Variants in ANO10 observed in about 807,000 individuals in gnomAD.
ANO10 encodes anoctamin-10.
ANO10 carries 77 observed loss-of-function variants against 74.7 expected under a neutral mutation model. The ratio of observed to expected loss-of-function variants is 1.03; its 90% CI spans 0.86 to 1.25. The LOEUF (loss-of-function observed/expected upper bound fraction) is 1.25. ANO10 is among the 50% of genes most tolerant of loss of function. The pLI, the probability that ANO10 is intolerant of heterozygous loss-of-function variation, is 0.00. For missense variants in ANO10, 721 were observed against 778.1 expected, an observed-to-expected ratio of 0.93 and a Z score of 0.87; for synonymous variants, 279 against 284.9, an observed-to-expected ratio of 0.98 and a Z score of 0.21.
At chr3:43,410,776 T>C (rs1456879380) in intron 12 of ANO10, among the ~76,000 whole-genome samples, 1 of 152,018 alleles carries the variant, frequency 6.6e-6, no homozygotes, top group Non-Finnish European at 1.5e-5. Flanking sequence ...AACTGAACAC[T>C]CAGAAAATCC....
chr3:43,592,387 T>C (rs926444551), intron 4 of ANO10, among the ~76,000 whole-genome samples: 2 of 152,112 alleles, frequency 1.3e-5, no homozygotes, highest in African/African-American at 4.8e-5. Flanking sequence ...TGGGTGCCCC[T>C]CTGAGACAAA....
chr3:43,669,521 T>C (rs1030163083), intron 1 of ANO10, among the ~76,000 whole-genome samples: 1 of 152,148 alleles, frequency 6.6e-6, no homozygotes, highest in Non-Finnish European at 1.5e-5. Context: ...CTGGTCTGGT[T>C]AAGTTGTGAT....
chr3:43,647,991 C>T (rs1267299314), intron 1 of ANO10, among the ~76,000 whole-genome samples: 4 of 152,166 alleles, frequency 2.6e-5, no homozygotes, highest in African/African-American at 9.7e-5. Flanking sequence ...GTGCCCAACT[C>T]ATTGTTACAT....
chr3:43,406,710 A>G (rs1441821358), intron 12 of ANO10, among the ~76,000 whole-genome samples: 1 of 152,198 alleles, frequency 6.6e-6, no homozygotes, highest in Non-Finnish European at 1.5e-5. Flanking sequence ...AGTTAAAATT[A>G]GTTCACAACT....
At chr3:43,406,492 C>A (rs898056743) in intron 12 of ANO10, among the ~76,000 whole-genome samples, 1 of 152,112 alleles carries the variant, frequency 6.6e-6, no homozygotes. Flanking sequence ...AATTTTGAAA[C>A]AACAGTCACA....
intron 4 of ANO10, among the ~76,000 whole-genome samples, chr3:43,596,086 C>G (rs1011502507): frequency 1.3e-5 from 2 of 152,112 alleles, no homozygotes; most frequent in African/African-American, 4.8e-5. Flanking sequence ...AGGAGAATTA[C>G]AAACCACTGC....
chr3:43,379,017 T>C (rs967073264), intron 12 of ANO10, among the ~76,000 whole-genome samples: 1 of 152,210 alleles, frequency 6.6e-6, no homozygotes, highest in Non-Finnish European at 1.5e-5. Context: ...TGAGTGGCAG[T>C]CCCTGTAACC....
chr3:43,457,993 A>G (rs1209683776), intron 11 of ANO10, among the ~76,000 whole-genome samples: 1 of 152,084 alleles, frequency 6.6e-6, no homozygotes, highest in Non-Finnish European at 1.5e-5. Context: ...TCTTGGAATA[A>G]TCACTTAAGT....
intron 12 of ANO10, among the ~76,000 whole-genome samples, chr3:43,420,353 T>TGAGG (rs2092801590): frequency 6.6e-6 from 1 of 151,356 alleles, no homozygotes; most frequent in Admixed American, 6.6e-5. Context: ...GGCTGAGGTG[T>TGAGG]GAGGATAGCT....
At chr3:43,576,590 A>C in intron 6 of ANO10, 102 bp downstream of exon 6, 1 of 1,256,084 alleles carries the variant, frequency 8.0e-7, no homozygotes, top group Non-Finnish European at 1.1e-6. Flanking sequence ...AGCCAAGAGC[A>C]ACATCTATTT....
At chr3:43,484,952 C>G in intron 11 of ANO10, 2 of 1,084,876 alleles carry the variant, frequency 1.8e-6, no homozygotes, top group Non-Finnish European at 2.6e-6. Flanking sequence ...TTGGGGCCCA[C>G]CCAGGCAAGG....
In ANO10 at chr3:43,688,838, C is replaced by T. The variant is rs532783148; in HGVS notation, c.-12+2679G>A. ...CAGCCAGGGCAACAGAGTGAAACTC[C>T]GTCTTAGAAAAAAAAAAAAAAAGAA... On this transcript the variant is annotated intron_variant, in intron 1 of 3. Coordinates refer to the ANO10 transcript ENST00000413397. Among the ~76,000 whole-genome samples, 393 of 148,948 alleles carry T rather than the reference C, an allele frequency of 2.6e-3. 4 individuals carry two copies. Among genetic ancestry groups the T allele is most frequent in the South Asian group, 4.4e-3 (21 of 4,726 alleles).
chr3:43,657,997 A>G (rs2083876645), intron 1 of ANO10, among the ~76,000 whole-genome samples: 1 of 152,216 alleles, frequency 6.6e-6, no homozygotes, highest in Non-Finnish European at 1.5e-5. Context: ...ATAAATAAAT[A>G]TTTTAAAACA....
intron 11 of ANO10, among the ~76,000 whole-genome samples, chr3:43,516,187 A>G (rs1317933503): frequency 1.3e-5 from 2 of 152,190 alleles, no homozygotes; most frequent in East Asian, 3.9e-4. Context: ...TACACAGTAA[A>G]GGAATGGATG....
At chr3:43,626,345 AGTACAGTGGT>A (rs955889790), upstream of ANO10, among the ~76,000 whole-genome samples, 1 of 144,364 alleles carries the variant, frequency 6.9e-6, no homozygotes, top group African/African-American at 2.6e-5. Context: ...CCCAGGCTGG[AGTACAGTGGT>A]GTACTCCTGG....
chr3:43,534,488 G>A (rs943265428), intron 11 of ANO10, among the ~76,000 whole-genome samples: 2 of 151,440 alleles, frequency 1.3e-5, no homozygotes, highest in African/African-American at 2.4e-5. Context: ...GAGAGAGCGC[G>A]CAAGAGAGAA....
intron 11 of ANO10, among the ~76,000 whole-genome samples, chr3:43,547,796 G>C (rs943386192): frequency 6.6e-6 from 1 of 152,102 alleles, no homozygotes; most frequent in Admixed American, 6.5e-5. Flanking sequence ...TGTGATTAAG[G>C]TATCACTAAA....
intron 4 of ANO10, among the ~76,000 whole-genome samples, chr3:43,595,763 G>A (rs1044067149): frequency 6.6e-6 from 1 of 152,154 alleles, no homozygotes; most frequent in African/African-American, 2.4e-5. Context: ...TCTGGCCAGG[G>A]CAATCAGGCA....
At chr3:43,540,719 C>T (rs976354046) in intron 11 of ANO10, among the ~76,000 whole-genome samples, 6 of 152,184 alleles carry the variant, frequency 3.9e-5, no homozygotes, top group African/African-American at 1.4e-4. Context: ...GCCAACAGAG[C>T]CTGCACTAGT....
Sources: allele counts gnomAD v4.1 joint callset (sites outside exome capture counted in the v4.1 genomes callset), GRCh38; gene constraint gnomAD v4.1.1; transcripts MANE v1.5; gene names NCBI Gene and HGNC (gene_info 2026-07-23, HGNC 2026-07-21).